The following TENM2 variants were observed in gnomAD, a reference collection of about 807,000 sequenced individuals.
The protein encoded by TENM2 is teneurin-2.
In TENM2, 52 loss-of-function variants were observed where a neutral mutation model predicts 245.2. The observed-to-expected ratio is 0.21, with a 90% CI of 0.17 to 0.27. The LOEUF (loss-of-function observed/expected upper bound fraction) is 0.27, where lower values mean the gene tolerates loss of function less well. Ranked by LOEUF, TENM2 falls within the 10% of genes least tolerant of loss-of-function variation. The pLI, the probability that TENM2 is intolerant of heterozygous loss-of-function variation, is 1.00. For missense variants in TENM2, 3,046 were observed against 3,666.8 expected, an observed-to-expected ratio of 0.83 and a Z score of 4.37; for synonymous variants, 1,363 against 1,438.9, an observed-to-expected ratio of 0.95 and a Z score of 1.19.
the TENM2 span, among the ~76,000 whole-genome samples, chr5:167,080,510 C>T: frequency 3.3e-5 from 5 of 152,246 alleles, no homozygotes; most frequent in Admixed American, 1.3e-4. Context: ...TTCACCTTGG[C>T]ACTGTGTGGT....
At chr5:167,219,017 A>G in the TENM2 span, among the ~76,000 whole-genome samples, 1 of 152,194 alleles carries the variant, frequency 6.6e-6, no homozygotes. Context: ...TAATCACTGT[A>G]CATCAAATCA....
rs143465357 is a variant in TENM2, at chr5:167,769,576, C to T, written c.503-106410C>T. Among the ~76,000 whole-genome samples the T allele has an allele frequency of 4.3e-4, 66 of 152,148 alleles. No individual in the cohort carries two copies. In the East Asian group the frequency reaches 0.01, roughly 24 times the overall value. The stretch of plus-strand genomic sequence containing the variant: ...TAAAAACTAAACTGGTTATTCTTGC[C>T]GCAGGCTTTTCCCCAGTAGAAAATT... On this transcript the variant is annotated intron_variant, in intron 2 of 28. Coordinates refer to ENST00000518659, the Ensembl canonical transcript of TENM2.
intron 2 of TENM2, among the ~76,000 whole-genome samples, chr5:167,587,280 C>G (rs889953181): frequency 5.3e-5 from 8 of 152,052 alleles, no homozygotes; most frequent in Non-Finnish European, 1.2e-4. Context: ...GGGAGTATTT[C>G]GATGATTCTT....
At chr5:167,651,241 A>G (rs1054211025) in intron 2 of TENM2, among the ~76,000 whole-genome samples, 1 of 152,136 alleles carries the variant, frequency 6.6e-6, no homozygotes, top group Non-Finnish European at 1.5e-5. Context: ...CTGTAAGAAC[A>G]AAGTGTAAGG....
At chr5:168,236,177 A>G (rs1765411121) in intron 25 of TENM2, among the ~76,000 whole-genome samples, 1 of 152,186 alleles carries the variant, frequency 6.6e-6, no homozygotes, top group Non-Finnish European at 1.5e-5. Flanking sequence ...GGTACATGCA[A>G]ATGAGCCCTC....
intron 3 of TENM2, among the ~76,000 whole-genome samples, chr5:167,948,233 A>G (rs1030728385): frequency 6.6e-6 from 1 of 152,336 alleles, no homozygotes; most frequent in South Asian, 2.1e-4. Flanking sequence ...GGGAATTGGT[A>G]TCGTTACTCA....
intron 2 of TENM2, among the ~76,000 whole-genome samples, chr5:167,703,765 C>G (rs1758323212): frequency 6.6e-6 from 1 of 152,124 alleles, no homozygotes; most frequent in African/African-American, 2.4e-5. Flanking sequence ...TTCAGAAAAA[C>G]TACGTCAGCA....
chr5:167,623,332 C>G (rs1304996180), intron 2 of TENM2, among the ~76,000 whole-genome samples: 2 of 152,158 alleles, frequency 1.3e-5, no homozygotes, highest in African/African-American at 4.8e-5. Context: ...AGACCGAATT[C>G]TCTTTTCCCA....
intron 2 of TENM2, among the ~76,000 whole-genome samples, chr5:167,546,240 T>C (rs1426901351): frequency 2.0e-5 from 3 of 152,224 alleles, no homozygotes; most frequent in Non-Finnish European, 4.4e-5. Context: ...GGCCAAGTTA[T>C]TCATCTCAAT....
At chr5:167,019,083 C>T in the TENM2 span, among the ~76,000 whole-genome samples, 1 of 152,156 alleles carries the variant, frequency 6.6e-6, no homozygotes, top group Non-Finnish European at 1.5e-5. Flanking sequence ...GCTACTCATT[C>T]ATCTCTTTAC....
intron 2 of TENM2, among the ~76,000 whole-genome samples, chr5:167,627,337 AAG>A (rs1778573714): frequency 6.6e-6 from 1 of 152,120 alleles, no homozygotes; most frequent in African/African-American, 2.4e-5. Flanking sequence ...TCCCTTTGAA[AAG>A]AGAGAATGTG....
chr5:167,105,887 C>CAAAAAAAAAAAAAAAAAAAA, the TENM2 span, among the ~76,000 whole-genome samples: 2 of 48,848 alleles, frequency 4.1e-5, no homozygotes, highest in Non-Finnish European at 6.5e-5. Flanking sequence ...GACTCCGTCT[C>CAAAAAAAAAAAAAAAAAAAA]AAAAAAAAAA....
the TENM2 span, among the ~76,000 whole-genome samples, chr5:167,194,885 T>C: frequency 6.6e-6 from 1 of 152,040 alleles, no homozygotes; most frequent in Non-Finnish European, 1.5e-5. Flanking sequence ...CCTTTGATTC[T>C]AAATTATACG....
At chr5:167,539,373 G>C (rs1005057723) in intron 2 of TENM2, among the ~76,000 whole-genome samples, 18 of 152,038 alleles carry the variant, frequency 1.2e-4, no homozygotes, top group African/African-American at 3.6e-4. Flanking sequence ...TTTCAGGATT[G>C]TCCTCATGCA....
At chr5:167,329,419 G>T (rs771154112) in intron 1 of TENM2, among the ~76,000 whole-genome samples, 23 of 150,992 alleles carry the variant, frequency 1.5e-4, no homozygotes, top group Non-Finnish European at 2.7e-4. Context: ...TGGCGTGGTG[G>T]CAGGCACCTG....
the TENM2 span, among the ~76,000 whole-genome samples, chr5:167,240,041 T>C: frequency 6.6e-6 from 1 of 152,270 alleles, no homozygotes; most frequent in Non-Finnish European, 1.5e-5. Context: ...CCCAAAGTGC[T>C]GGGATTACTG....
At chr5:167,821,815 C>A (rs770155493) in intron 2 of TENM2, among the ~76,000 whole-genome samples, 2 of 152,022 alleles carry the variant, frequency 1.3e-5, no homozygotes, top group South Asian at 4.1e-4. Context: ...GAGTTTCATT[C>A]CATCCTCTCT....
At chr5:167,000,141 A>C in the TENM2 span, among the ~76,000 whole-genome samples, 2 of 150,842 alleles carry the variant, frequency 1.3e-5, no homozygotes, top group African/African-American at 4.9e-5. Context: ...AATTTCAGCA[A>C]TGTCACAGTC....
At chr5:168,081,826 G>T (rs1792032143) in intron 7 of TENM2, among the ~76,000 whole-genome samples, 1 of 152,136 alleles carries the variant, frequency 6.6e-6, no homozygotes, top group Non-Finnish European at 1.5e-5. Flanking sequence ...GCTTCTCTTT[G>T]TGGGTAACCA....
Sources: allele counts gnomAD v4.1 joint callset (sites outside exome capture counted in the v4.1 genomes callset), GRCh38; gene constraint gnomAD v4.1.1; transcripts MANE v1.5; gene names NCBI Gene and HGNC (gene_info 2026-07-23, HGNC 2026-07-21).